The following STAU2 variants were observed in gnomAD, a reference collection of about 807,000 sequenced individuals.
STAU2 encodes staufen double-stranded RNA binding protein 2.
Under a neutral mutation model 65.9 loss-of-function variants are expected in STAU2, and 20 were observed. That is an observed-to-expected ratio of 0.30 (90% CI 0.21 to 0.44). The LOEUF is 0.44. Among genes scored for constraint, STAU2 ranks in the 20% least tolerant of loss-of-function variants. The pLI, the probability that STAU2 is intolerant of heterozygous loss-of-function variation, is 1.00. For missense variants in STAU2, 558 were observed against 683.9 expected (o/e 0.82, Z 2.05); for synonymous variants, 232 against 233.9 (o/e 0.99, Z 0.07).
chr8:73,729,088 A>C (rs1383564689), intron 3 of STAU2, among the ~76,000 whole-genome samples: 3 of 151,580 alleles, frequency 2.0e-5, no homozygotes, highest in Non-Finnish European at 4.4e-5. Flanking sequence ...GGAAATGTTT[A>C]AAAAAAAAGT....
intron 9 of STAU2, among the ~76,000 whole-genome samples, chr8:73,608,043 T>A (rs1298803195): frequency 6.6e-6 from 1 of 152,130 alleles, no homozygotes; most frequent in Admixed American, 6.5e-5. Context: ...AGGTACAGCA[T>A]CCAGGCAGAT....
At chr8:73,512,943 G>A (rs923154749) in intron 13 of STAU2, among the ~76,000 whole-genome samples, 1 of 152,008 alleles carries the variant, frequency 6.6e-6, no homozygotes, top group Non-Finnish European at 1.5e-5. Flanking sequence ...TTTAATCCTG[G>A]TTTTCTTTAA....
At chr8:73,479,712 C>CATGT (rs1554595332) in intron 13 of STAU2, among the ~76,000 whole-genome samples, 1 of 143,806 alleles carries the variant, frequency 7.0e-6, no homozygotes, top group African/African-American at 2.6e-5. Context: ...CTTAAATATA[C>CATGT]GTGTGTGTGT....
intron 13 of STAU2, among the ~76,000 whole-genome samples, chr8:73,461,254 C>T (rs1819334617): frequency 6.6e-6 from 1 of 152,166 alleles, no homozygotes; most frequent in African/African-American, 2.4e-5. Context: ...TAATATCTCT[C>T]ACTATTACAC....
At chr8:73,744,387 CTCTT>C (rs1020166823) in intron 1 of STAU2, among the ~76,000 whole-genome samples, 6 of 151,468 alleles carry the variant, frequency 4.0e-5, no homozygotes, top group African/African-American at 1.2e-4. Flanking sequence ...AGAGTTTTCC[CTCTT>C]TATTATGATC....
intron 13 of STAU2, among the ~76,000 whole-genome samples, chr8:73,423,564 C>A (rs890631311): frequency 6.6e-6 from 1 of 152,180 alleles, no homozygotes; most frequent in Non-Finnish European, 1.5e-5. Context: ...CATCCTGGGG[C>A]ATCCCGCTGG....
At chr8:73,590,134 T>G (rs1422620466) in intron 11 of STAU2, among the ~76,000 whole-genome samples, 7 of 105,104 alleles carry the variant, frequency 6.7e-5, no homozygotes, top group East Asian at 2.7e-4. Context: ...AGAGAAGAAA[T>G]GAGAAGAAGG....
At chr8:73,551,942 T>C (rs1807361064) in intron 13 of STAU2, 70 bp downstream of exon 13, 2 of 1,482,938 alleles carry the variant, frequency 1.3e-6, no homozygotes, top group Non-Finnish European at 1.8e-6. Flanking sequence ...ATGAGCCTTG[T>C]GATGTATACA....
At chr8:73,737,360 G>A (rs1376986506) in intron 3 of STAU2, among the ~76,000 whole-genome samples, 2 of 151,620 alleles carry the variant, frequency 1.3e-5, no homozygotes, top group African/African-American at 4.9e-5. Flanking sequence ...TAGTAGAGAC[G>A]GGGTTTCCCC....
chr8:73,683,533 C>T (rs993175655), intron 5 of STAU2, among the ~76,000 whole-genome samples: 1 of 152,042 alleles, frequency 6.6e-6, no homozygotes, highest in Non-Finnish European at 1.5e-5. Context: ...GAAAGCATTC[C>T]CCCTGAGAAC....
chr8:73,432,470 T>C (rs550285384), intron 13 of STAU2, among the ~76,000 whole-genome samples: 2 of 152,340 alleles, frequency 1.3e-5, no homozygotes, highest in South Asian at 4.1e-4. Flanking sequence ...CCAAAGTATG[T>C]CAATATTAAT....
chr8:73,505,319 A>T lies in STAU2; in HGVS notation c.1530+46693T>A, dbSNP rs543852496. Among the ~76,000 whole-genome samples the T allele has an allele frequency of 3.3e-5, 5 of 152,234 alleles. No homozygotes were observed. In the East Asian group the frequency reaches 5.8e-4, roughly 18 times the overall value. ...TCAGGATCAGTTTACTGGGCTGGGC[A>T]GGAGGAAACACAATGATCAAGAGAG... On this transcript the variant is annotated intron_variant, in intron 13 of 14. Transcript: ENST00000524300.
intron 3 of STAU2, chr8:73,732,717 CA>C (rs1456530141): frequency 6.6e-6 from 1 of 152,152 alleles, no homozygotes; most frequent in African/African-American, 2.4e-5. Flanking sequence ...GTGCTTGTGG[CA>C]AGAAGCAGGA....
At chr8:73,691,839 C>A (rs926098436) in intron 4 of STAU2, among the ~76,000 whole-genome samples, 9 of 152,108 alleles carry the variant, frequency 5.9e-5, no homozygotes, top group Admixed American at 2.0e-4. Flanking sequence ...TAACACAGAG[C>A]TCTTAAATTC....
At chr8:73,658,684 G>A (rs747592064) in intron 6 of STAU2, among the ~76,000 whole-genome samples, 1 of 152,078 alleles carries the variant, frequency 6.6e-6, no homozygotes, top group Non-Finnish European at 1.5e-5. Flanking sequence ...GGAGCCCGAG[G>A]CGGGTGAATC....
chr8:73,646,334 T>C (rs1815369569), intron 6 of STAU2, among the ~76,000 whole-genome samples: 1 of 152,218 alleles, frequency 6.6e-6, no homozygotes, highest in African/African-American at 2.4e-5. Flanking sequence ...TTTTAACACT[T>C]ATTATGTAAC....
At chr8:73,737,117 T>C (rs1161787719) in intron 3 of STAU2, among the ~76,000 whole-genome samples, 1 of 152,130 alleles carries the variant, frequency 6.6e-6, no homozygotes, top group Non-Finnish European at 1.5e-5. Context: ...TCTACCTGCC[T>C]TCGTCTCCCA....
chr8:73,453,625 A>C (rs548010219), intron 13 of STAU2, among the ~76,000 whole-genome samples: 1 of 152,360 alleles, frequency 6.6e-6, no homozygotes, highest in African/African-American at 2.4e-5. Flanking sequence ...TTGAGGCCTG[A>C]GTAGCTAAAC....
intron 13 of STAU2, chr8:73,549,712 G>C (rs1297753643): frequency 2.0e-6 from 2 of 985,482 alleles, no homozygotes; most frequent in African/African-American, 3.5e-5. Context: ...AGCCAAAGAA[G>C]GGTTTACACA....
Sources: allele counts gnomAD v4.1 joint callset (sites outside exome capture counted in the v4.1 genomes callset), GRCh38; gene constraint gnomAD v4.1.1; transcripts MANE v1.5; gene names NCBI Gene and HGNC (gene_info 2026-07-23, HGNC 2026-07-21).